Variants in RMP24 observed in about 807,000 individuals in gnomAD.
RMP24 encodes the protein ribonuclease MRP subunit p24.
At chr18:35,976,403 C>T in the RMP24 span, among the ~76,000 whole-genome samples, 1 of 152,134 alleles carries the variant, frequency 6.6e-6, no homozygotes, top group Non-Finnish European at 1.5e-5. Context: ...TTGGCATTTT[C>T]ATCTGCTCAT....
chr18:35,978,938 T>C, the RMP24 span: 1 of 1,612,802 alleles, frequency 6.2e-7, no homozygotes, highest in Non-Finnish European at 8.5e-7. Context: ...TCAGAATGAA[T>C]CCCAAAAGAT....
At chr18:35,972,996 T>C in the RMP24 span, 2 of 1,527,436 alleles carry the variant, frequency 1.3e-6, no homozygotes, top group Non-Finnish European at 1.8e-6. Context: ...GCCGATGGAC[T>C]CACTTCCCTC....
At chr18:35,977,337 C>A in the RMP24 span, 2 of 1,390,528 alleles carry the variant, frequency 1.4e-6, no homozygotes, top group Non-Finnish European at 2.0e-6. Flanking sequence ...TTTAAGAATT[C>A]AATGAACCTG....
At chr18:35,973,212 C>T in the RMP24 span, 1 of 524,976 alleles carries the variant, frequency 1.9e-6, no homozygotes. Flanking sequence ...CTCCTAATCT[C>T]CCCAAGCTTT....
chr18:35,972,739 A>G, the RMP24 span: 2 of 1,612,060 alleles, frequency 1.2e-6, no homozygotes, highest in Non-Finnish European at 1.7e-6. Flanking sequence ...ATGAGACAGA[A>G]GCACTACCTT....
the RMP24 span, chr18:35,979,063 T>C: frequency 6.8e-7 from 1 of 1,472,398 alleles, no homozygotes; most frequent in East Asian, 2.3e-5. Flanking sequence ...TTTAAACTCT[T>C]ATTCATTTTT....
At chr18:35,977,297 C>A in the RMP24 span, 3 of 935,092 alleles carry the variant, frequency 3.2e-6, no homozygotes, top group East Asian at 2.6e-5. Flanking sequence ...ATTTTACTTA[C>A]CCCTATAGTA....
chr18:35,972,748 T>C, the RMP24 span: 1 of 1,613,008 alleles, frequency 6.2e-7, no homozygotes, highest in Non-Finnish European at 8.5e-7. Context: ...AAGCACTACC[T>C]TGAGGCTGCA....
At chr18:35,975,424 T>C in the RMP24 span, among the ~76,000 whole-genome samples, 1 of 152,368 alleles carries the variant, frequency 6.6e-6, no homozygotes, top group Non-Finnish European at 1.5e-5. Flanking sequence ...ACATTATTTT[T>C]TCAGTTAATG....
the RMP24 span, chr18:35,978,733 T>A: frequency 1.9e-6 from 2 of 1,031,674 alleles, no homozygotes; most frequent in Non-Finnish European, 2.7e-6. Context: ...CAAATGATAA[T>A]ACACCGAGGA....
chr18:35,972,911 A>G, the RMP24 span: 1 of 1,614,180 alleles, frequency 6.2e-7, no homozygotes, highest in Non-Finnish European at 8.5e-7. Flanking sequence ...TCGCACGGTA[A>G]GAAGAACGCC....
chr18:35,974,813 T>C, the RMP24 span: 1 of 1,256,338 alleles, frequency 8.0e-7, no homozygotes, highest in Non-Finnish European at 1.1e-6. Context: ...TAAATTTCAA[T>C]ATACTTTTTA....
At chr18:35,974,964 G>A in the RMP24 span, 1 of 1,614,136 alleles carries the variant, frequency 6.2e-7, no homozygotes, top group Non-Finnish European at 8.5e-7. Context: ...TAACTCTCGA[G>A]TGCGTCTCAA....
chr18:35,979,068 A>G, the RMP24 span: 1 of 1,439,772 alleles, frequency 6.9e-7, no homozygotes, highest in Non-Finnish European at 9.3e-7. Context: ...ACTCTTATTC[A>G]TTTTTTGAAT....
chr18:35,972,840 G>T, the RMP24 span: 1 of 1,614,210 alleles, frequency 6.2e-7, no homozygotes, highest in South Asian at 1.1e-5. Flanking sequence ...GAGGCGAGCG[G>T]GTAGGTGTTC....
At chr18:35,978,449 A>G in the RMP24 span, among the ~76,000 whole-genome samples, 1 of 152,164 alleles carries the variant, frequency 6.6e-6, no homozygotes, top group Non-Finnish European at 1.5e-5. Context: ...CATCTCTACT[A>G]AAATACAAAA....
chr18:35,978,756 G>A, the RMP24 span: 5 of 1,274,328 alleles, frequency 3.9e-6, no homozygotes, highest in Non-Finnish European at 5.4e-6. Context: ...GCCAGTGCAT[G>A]TATATGGCCA....
chr18:35,974,950 T>C, the RMP24 span: 8 of 1,614,174 alleles, frequency 5.0e-6, no homozygotes, highest in Non-Finnish European at 6.8e-6. Context: ...CTGTTGGTTC[T>C]GGATAACTCT....
At chr18:35,972,729 A>G in the RMP24 span, 3 of 1,608,302 alleles carry the variant, frequency 1.9e-6, no homozygotes, top group East Asian at 2.2e-5. Flanking sequence ...GGCGGCGGCG[A>G]TGAGACAGAA....
Sources: allele counts gnomAD v4.1 joint callset (sites outside exome capture counted in the v4.1 genomes callset), GRCh38; gene constraint gnomAD v4.1.1; transcripts MANE v1.5; gene names NCBI Gene and HGNC (gene_info 2026-07-23, HGNC 2026-07-21).